The following PTPRD variants were observed in gnomAD, a reference collection of about 807,000 sequenced individuals.
PTPRD encodes protein tyrosine phosphatase receptor type D.
In PTPRD, 34 loss-of-function variants were observed where a neutral mutation model predicts 214.5. That is an observed-to-expected ratio of 0.16 (90% confidence interval 0.12 to 0.21). The LOEUF (loss-of-function observed/expected upper bound fraction) is 0.21, where lower values mean the gene tolerates loss of function less well. Among genes scored for constraint, PTPRD ranks in the 10% least tolerant of loss-of-function variants. The pLI is 1.00. For synonymous variants in PTPRD, 1,128 were observed against 845.7 expected, an observed-to-expected ratio of 1.33 and a Z score of -5.79; for missense variants, 2,545 against 2,398.7, an observed-to-expected ratio of 1.06 and a Z score of -1.27.
intron 11 of PTPRD, among the ~76,000 whole-genome samples, chr9:8,770,029 C>T (rs2095078548): frequency 6.6e-6 from 1 of 152,080 alleles, no homozygotes; most frequent in South Asian, 2.1e-4. Flanking sequence ...GCCTGTAATC[C>T]CAGCACTTTG....
chr9:9,789,683 GCTA>G (rs1316980343), intron 5 of PTPRD, among the ~76,000 whole-genome samples: 1 of 151,076 alleles, frequency 6.6e-6, no homozygotes, highest in African/African-American at 2.4e-5. Context: ...TGTAGTCCCA[GCTA>G]CACAGGAGGC....
intron 2 of PTPRD, among the ~76,000 whole-genome samples, chr9:10,563,244 T>TA (rs1431596432): frequency 1.3e-5 from 2 of 152,174 alleles, no homozygotes; most frequent in Admixed American, 1.3e-4. Flanking sequence ...TATGATTTGT[T>TA]AAAATCCAGC....
At chr9:10,322,088 G>A (rs2096563249) in intron 3 of PTPRD, among the ~76,000 whole-genome samples, 1 of 152,004 alleles carries the variant, frequency 6.6e-6, no homozygotes, top group Admixed American at 6.6e-5. Flanking sequence ...CCATCCGCAT[G>A]AGGGTTATTA....
intron 26 of PTPRD, among the ~76,000 whole-genome samples, chr9:8,495,632 G>T (rs537630856): frequency 6.6e-6 from 1 of 152,238 alleles, no homozygotes; most frequent in Admixed American, 6.5e-5. Flanking sequence ...TAATGTTAGT[G>T]TTTATTATAC....
At chr9:9,521,268 A>G (rs928507412) in intron 8 of PTPRD, among the ~76,000 whole-genome samples, 1 of 152,052 alleles carries the variant, frequency 6.6e-6, no homozygotes, top group African/African-American at 2.4e-5. Flanking sequence ...TTTTCCTCTT[A>G]GCTCTCAATT....
At chr9:10,394,939 C>T (rs2098138457) in intron 2 of PTPRD, among the ~76,000 whole-genome samples, 1 of 149,276 alleles carries the variant, frequency 6.7e-6, no homozygotes, top group South Asian at 2.1e-4. Context: ...TTATGTGTTG[C>T]CACCATTTTT....
intron 9 of PTPRD, among the ~76,000 whole-genome samples, chr9:9,381,359 C>CTTTTTTTTTTTTTTTTTTTTTTTTTTTG (rs982056156): frequency 7.6e-6 from 1 of 132,146 alleles, no homozygotes; most frequent in African/African-American, 2.9e-5. Context: ...ATCAGTTATG[C>CTTTTTTTTTTTTTTTTTTTTTTTTTTTG]TTTTTTTTTT....
chr9:9,075,945 C>G (rs905085443), intron 10 of PTPRD, among the ~76,000 whole-genome samples: 2 of 152,148 alleles, frequency 1.3e-5, no homozygotes, highest in Admixed American at 6.6e-5. Context: ...ATGGCTGGGT[C>G]AAATGGTATG....
At chr9:10,271,003 A>T (rs1286445085) in intron 3 of PTPRD, among the ~76,000 whole-genome samples, 1 of 151,964 alleles carries the variant, frequency 6.6e-6, no homozygotes, top group Non-Finnish European at 1.5e-5. Context: ...AAAAGAAAAA[A>T]ATGTAGAGAT....
intron 4 of PTPRD, among the ~76,000 whole-genome samples, chr9:9,940,644 A>C (rs987865419): frequency 6.6e-6 from 1 of 152,182 alleles, no homozygotes; most frequent in Non-Finnish European, 1.5e-5. Context: ...AATATTAACA[A>C]AAGTGTCAAC....
intron 5 of PTPRD, among the ~76,000 whole-genome samples, chr9:9,855,313 G>A (rs1226118228): frequency 6.6e-6 from 1 of 152,104 alleles, no homozygotes; most frequent in Admixed American, 6.6e-5. Context: ...TCAATATATG[G>A]TAACAAACTT....
chr9:10,083,550 T>TTA (rs1436159658), intron 3 of PTPRD, among the ~76,000 whole-genome samples: 1 of 152,006 alleles, frequency 6.6e-6, no homozygotes, highest in East Asian at 1.9e-4. Flanking sequence ...AAGCATAAAG[T>TTA]TTTAATGAGA....
intron 8 of PTPRD, among the ~76,000 whole-genome samples, chr9:9,450,541 G>C (rs1201008496): frequency 6.6e-6 from 1 of 151,764 alleles, no homozygotes; most frequent in African/African-American, 2.4e-5. Context: ...ATATATACCA[G>C]AATTACTTTT....
intron 7 of PTPRD, among the ~76,000 whole-genome samples, chr9:9,659,424 C>A (rs2096580903): frequency 6.6e-6 from 1 of 151,890 alleles, no homozygotes; most frequent in Admixed American, 6.6e-5. Flanking sequence ...TGGCTATTAA[C>A]CTTTGTTGCT....
chr9:10,518,187 T>C (rs1393183033), intron 2 of PTPRD, among the ~76,000 whole-genome samples: 1 of 152,150 alleles, frequency 6.6e-6, no homozygotes, highest in East Asian at 1.9e-4. Context: ...TTGATATTAA[T>C]AGTGAGAAAA....
intron 2 of PTPRD, among the ~76,000 whole-genome samples, chr9:10,447,131 G>T (rs369245674): frequency 6.6e-6 from 1 of 150,388 alleles, no homozygotes; most frequent in African/African-American, 2.5e-5. Flanking sequence ...TGTAGTGGAA[G>T]CAGCTTTTAG....
At chr9:9,162,591 C>A (rs2154494558) in intron 10 of PTPRD, among the ~76,000 whole-genome samples, 1 of 152,160 alleles carries the variant, frequency 6.6e-6, no homozygotes, top group Middle Eastern at 3.4e-3. Flanking sequence ...GTAAATTCTC[C>A]ACCCTCCACC....
chr9:10,152,236 C>G (rs538547142), intron 3 of PTPRD, among the ~76,000 whole-genome samples: 2 of 151,918 alleles, frequency 1.3e-5, no homozygotes, highest in Admixed American at 6.6e-5. Context: ...CTATGTGTAG[C>G]TCTCTCATGG....
At chr9:9,235,406 T>C (rs1275488687) in intron 9 of PTPRD, among the ~76,000 whole-genome samples, 3 of 152,186 alleles carry the variant, frequency 2.0e-5, no homozygotes, top group Non-Finnish European at 4.4e-5. Context: ...TTACCCTTTG[T>C]CCAATTGCAC....
Sources: gnomAD v4.1 joint callset for allele counts (sites outside exome capture counted in the v4.1 genomes callset) on GRCh38, gnomAD v4.1.1 for gene constraint, MANE v1.5 for transcripts, NCBI Gene and HGNC (gene_info 2026-07-23, HGNC 2026-07-21) for gene names.